Variants in MACROD2 observed in about 807,000 individuals in gnomAD.
MACROD2 encodes the protein ADP-ribose glycohydrolase MACROD2.
A neutral mutation model predicts 70.4 loss-of-function variants in MACROD2; 36 were observed. The observed-to-expected ratio is 0.51, with a 90% CI of 0.39 to 0.68. The LOEUF is 0.68. Ranked by LOEUF, MACROD2 falls within the 30% of genes least tolerant of loss-of-function variation. The probability of loss-of-function intolerance (pLI) is 0.00; values close to 1 mark genes in which losing one functional copy is unlikely to be tolerated. For missense variants in MACROD2, 496 were observed against 538.4 expected (o/e 0.92, Z 0.78); for synonymous variants, 172 against 178.8 (o/e 0.96, Z 0.30).
At chr20:15,135,259 C>G (rs973467884) in intron 5 of MACROD2, among the ~76,000 whole-genome samples, 4 of 150,178 alleles carry the variant, frequency 2.7e-5, no homozygotes, top group African/African-American at 9.8e-5. Flanking sequence ...GAGACACAAC[C>G]AAAAAAGAGA....
chr20:14,061,398 G>A (rs917559164), intron 2 of MACROD2, among the ~76,000 whole-genome samples: 3 of 152,102 alleles, frequency 2.0e-5, no homozygotes, highest in African/African-American at 7.2e-5. Context: ...TAAAAAATGT[G>A]AGTTTTGGTA....
chr20:15,148,013 A>G (rs2076243106), intron 5 of MACROD2, among the ~76,000 whole-genome samples: 1 of 152,150 alleles, frequency 6.6e-6, no homozygotes, highest in Non-Finnish European at 1.5e-5. Context: ...CACAGGGGAT[A>G]TGATGGCTTA....
At chr20:14,201,731 T>C (rs1028002302) in intron 3 of MACROD2, among the ~76,000 whole-genome samples, 1 of 151,832 alleles carries the variant, frequency 6.6e-6, no homozygotes, top group East Asian at 1.9e-4. Context: ...TCCCAGCTAC[T>C]TGGGAGGCTG....
chr20:15,226,312 C>G (rs2076905717), intron 5 of MACROD2, among the ~76,000 whole-genome samples: 1 of 152,130 alleles, frequency 6.6e-6, no homozygotes, highest in Admixed American at 6.5e-5. Context: ...TCATTCCTGC[C>G]TGTGTGCTGA....
chr20:15,193,164 T>C (rs192286932), intron 5 of MACROD2, among the ~76,000 whole-genome samples: 2 of 152,350 alleles, frequency 1.3e-5, no homozygotes, highest in East Asian at 3.9e-4. Flanking sequence ...ATTCTTTTTC[T>C]TTACTTCTTT....
chr20:15,487,043 G>C (rs2047171870), intron 7 of MACROD2, among the ~76,000 whole-genome samples: 1 of 152,144 alleles, frequency 6.6e-6, no homozygotes, highest in African/African-American at 2.4e-5. Flanking sequence ...CTGTCTGAAA[G>C]GGCAGTAGTT....
chr20:14,510,468 G>T (rs1428180530), intron 4 of MACROD2, among the ~76,000 whole-genome samples: 1 of 152,046 alleles, frequency 6.6e-6, no homozygotes, highest in East Asian at 1.9e-4. Flanking sequence ...ATTTCAGATG[G>T]AACAGTTGCC....
At chr20:15,938,507 T>C (rs2065700899) in intron 12 of MACROD2, among the ~76,000 whole-genome samples, 1 of 152,104 alleles carries the variant, frequency 6.6e-6, no homozygotes, top group Non-Finnish European at 1.5e-5. Context: ...TGTTTTGGGG[T>C]GCTATGTACT....
intron 3 of MACROD2, among the ~76,000 whole-genome samples, chr20:14,270,913 C>T (rs1456130497): frequency 2.6e-5 from 4 of 152,324 alleles, no homozygotes; most frequent in South Asian, 2.1e-4. Flanking sequence ...TGAGATCAAA[C>T]TGCAAGGCCG....
chr20:14,143,534 C>A (rs1003558033), intron 3 of MACROD2, among the ~76,000 whole-genome samples: 8 of 151,812 alleles, frequency 5.3e-5, no homozygotes, highest in Non-Finnish European at 1.0e-4. Context: ...TGTGGAATTC[C>A]TGTTTGATGA....
chr20:14,731,637 T>C (rs772413093), intron 5 of MACROD2, among the ~76,000 whole-genome samples: 1 of 152,172 alleles, frequency 6.6e-6, no homozygotes, highest in Non-Finnish European at 1.5e-5. Flanking sequence ...ATTTAAAGTG[T>C]GGTGTGGGGA....
At chr20:15,529,297 T>A (rs990040579) in intron 8 of MACROD2, among the ~76,000 whole-genome samples, 3 of 151,984 alleles carry the variant, frequency 2.0e-5, no homozygotes, top group Non-Finnish European at 2.9e-5. Context: ...CATGCCTGTG[T>A]GTGTGTGTGT....
At chr20:14,183,876 T>C (rs573827126) in intron 3 of MACROD2, among the ~76,000 whole-genome samples, 69 of 152,258 alleles carry the variant, frequency 4.5e-4, no homozygotes, top group Non-Finnish European at 9.0e-4. Context: ...CTCTTTGTAA[T>C]GGGGTTGTTT....
intron 5 of MACROD2, among the ~76,000 whole-genome samples, chr20:14,890,004 A>G (rs1348392058): frequency 6.6e-6 from 1 of 152,116 alleles, no homozygotes; most frequent in Non-Finnish European, 1.5e-5. Context: ...TAAAAGGAGT[A>G]CAGACTTTGT....
At chr20:14,020,957 C>G (rs551381801) in intron 2 of MACROD2, among the ~76,000 whole-genome samples, 32 of 151,610 alleles carry the variant, frequency 2.1e-4, no homozygotes, top group African/African-American at 7.0e-4. Flanking sequence ...TTTCTAAATT[C>G]CCCTGTATAC....
At position 14,695,062 on chromosome 20, in the gene MACROD2, A is replaced by G. The variant is rs755520421; in HGVS notation, c.418+10103A>G. Among the ~76,000 whole-genome samples the G allele has an allele frequency of 4.9e-4, 75 of 152,006 alleles. 1 individual carries two copies. The highest frequency in any genetic ancestry group is 1.2e-4 in the African/African-American group (5 of 41,388). On this transcript the variant is annotated intron_variant, in intron 5 of 17. Transcript: ENST00000684519. ...TCCCTCTCTCTCTCTCTCTCTTTCA[A>G]TTCACTCTGTATTAGCTTCCTAGGG...
chr20:14,679,345 G>A (rs138506887), intron 4 of MACROD2, among the ~76,000 whole-genome samples: 5 of 152,150 alleles, frequency 3.3e-5, no homozygotes, highest in East Asian at 1.9e-4. Context: ...AGAGGGTACC[G>A]TGCAAAGGAC....
chr20:15,104,973 T>C (rs1369275431), intron 5 of MACROD2, among the ~76,000 whole-genome samples: 5 of 152,154 alleles, frequency 3.3e-5, no homozygotes, highest in Non-Finnish European at 7.4e-5. Flanking sequence ...TCTTAATCCA[T>C]AAATGTGCAC....
intron 3 of MACROD2, among the ~76,000 whole-genome samples, chr20:14,198,181 GGAGA>G (rs372434781): frequency 2.0e-5 from 3 of 151,212 alleles, no homozygotes; most frequent in South Asian, 2.1e-4. Context: ...AAGGTAAGAG[GGAGA>G]GAGAGAGAGG....
Sources: allele counts gnomAD v4.1 joint callset (sites outside exome capture counted in the v4.1 genomes callset), GRCh38; gene constraint gnomAD v4.1.1; transcripts MANE v1.5; gene names NCBI Gene and HGNC (gene_info 2026-07-23, HGNC 2026-07-21).